Variants in C4orf36 observed in about 807,000 individuals in gnomAD.
C4orf36 encodes the protein uncharacterized protein C4orf36.
A neutral mutation model predicts 12.2 loss-of-function variants in C4orf36; 11 were observed. The ratio of observed to expected loss-of-function variants is 0.90; its 90% CI spans 0.57 to 1.49. The LOEUF is 1.49. Ranked by LOEUF, C4orf36 falls within the 40% of genes most tolerant of loss-of-function variation. The pLI is 0.00. For missense variants in C4orf36, 137 were observed against 133.9 expected, an observed-to-expected ratio of 1.02 and a Z score of -0.11; for synonymous variants, 54 against 51.3, an observed-to-expected ratio of 1.05 and a Z score of -0.22.
chr4:86,900,920 A>C, the C4orf36 span, among the ~76,000 whole-genome samples: 1 of 151,996 alleles, frequency 6.6e-6, no homozygotes, highest in African/African-American at 2.4e-5. Flanking sequence ...TCCTCAACAC[A>C]GCAGAGTGAG....
At chr4:86,901,096 C>T in the C4orf36 span, among the ~76,000 whole-genome samples, 71 of 151,660 alleles carry the variant, frequency 4.7e-4, no homozygotes, top group Middle Eastern at 3.4e-3. Flanking sequence ...GTGATTCTCG[C>T]GCTTCAGCCT....
the C4orf36 span, among the ~76,000 whole-genome samples, chr4:86,908,192 C>T: frequency 1.3e-5 from 2 of 150,480 alleles, no homozygotes; most frequent in African/African-American, 4.9e-5. Flanking sequence ...CACACACACA[C>T]ACACACACAC....
chr4:86,929,721 G>A, the C4orf36 span, among the ~76,000 whole-genome samples: 1 of 152,072 alleles, frequency 6.6e-6, no homozygotes, highest in Non-Finnish European at 1.5e-5. Flanking sequence ...GAACTGAGCA[G>A]AATTAGTACC....
the C4orf36 span, among the ~76,000 whole-genome samples, chr4:86,922,241 AT>A: frequency 6.6e-6 from 1 of 152,226 alleles, no homozygotes; most frequent in Non-Finnish European, 1.5e-5. Context: ...AATCTTTTAC[AT>A]TGTTATTAGT....
At chr4:86,927,413 TAAGTA>T in the C4orf36 span, among the ~76,000 whole-genome samples, 1 of 152,168 alleles carries the variant, frequency 6.6e-6, no homozygotes, top group African/African-American at 2.4e-5. Context: ...AGAAATAGAA[TAAGTA>T]AATACGTACA....
At chr4:86,925,930 G>T in the C4orf36 span, 2 of 143,552 alleles carry the variant, frequency 1.4e-5, no homozygotes, top group Non-Finnish European at 3.0e-5. Flanking sequence ...AGGCTGGAGT[G>T]CAATGGCACG....
Position 86,887,882 on chromosome 4 carries a change from C to A in C4orf36, c.232G>T (p.Glu78Ter), listed in dbSNP as rs201168053. 1.2e-6 allele frequency: 2 copies of A among 1,613,998 alleles called. No individual in the cohort carries two copies. The highest frequency in any genetic ancestry group is 1.7e-6 in the Non-Finnish European group (2 of 1,179,994). Residue 78 changes from glutamate to a stop codon, truncating the protein, a stop_gained, in exon 4 of 5, where the codon GAA becomes TAA. Coordinates refer to ENST00000295898, the MANE Select transcript of C4orf36 (RefSeq NM_144645.4). LOFTEE classifies it high-confidence loss of function. The part of the protein sequence containing the change: ...LLPSAESIKL[E>*]REYEVKRLCK... ...AGACGCTTCACTTCATACTCCCTTTCGAGTTTGATAGCTGAAAAAGAAAAT... is the reference window on the plus strand; with the variant it reads ...AGACGCTTCACTTCATACTCCCTTTAGAGTTTGATAGCTGAAAAAGAAAAT...
intron 1 of C4orf36, 38 bp from the exon 2 acceptor site, chr4:86,891,631 C>A: frequency 2.0e-6 from 3 of 1,525,004 alleles, no homozygotes; most frequent in Non-Finnish European, 2.6e-6. Context: ...ATGCCTCTCA[C>A]GTGAATATTT....
the C4orf36 span, among the ~76,000 whole-genome samples, chr4:86,916,230 T>C: frequency 6.6e-6 from 1 of 152,086 alleles, no homozygotes; most frequent in Non-Finnish European, 1.5e-5. Context: ...GTATGGGGAA[T>C]AGGTATGTTG....
At chr4:86,917,464 A>G in the C4orf36 span, among the ~76,000 whole-genome samples, 1 of 88,106 alleles carries the variant, frequency 1.1e-5, no homozygotes, top group Admixed American at 1.3e-4. Flanking sequence ...AGAAAGAAAG[A>G]AAAGAAAGAA....
At chr4:86,884,586 A>G (rs988698905) in intron 4 of C4orf36, among the ~76,000 whole-genome samples, 1 of 152,188 alleles carries the variant, frequency 6.6e-6, no homozygotes, top group Non-Finnish European at 1.5e-5. Context: ...ATTTATAGGC[A>G]TAAGCCATCA....
At chr4:86,908,168 TACACACACACAC>T in the C4orf36 span, among the ~76,000 whole-genome samples, 26,163 of 140,680 alleles carry the variant, frequency 0.19, 2,524 homozygotes, top group African/African-American at 0.22. Flanking sequence ...ACTTTCAACA[TACACACACACAC>T]ACACACACAC....
At chr4:86,890,822 C>A (rs887494149) in intron 2 of C4orf36, among the ~76,000 whole-genome samples, 32 of 152,328 alleles carry the variant, frequency 2.1e-4, no homozygotes, top group African/African-American at 7.2e-4. Flanking sequence ...GCAAGTACTT[C>A]ACATACACGA....
At chr4:86,910,976 A>G in the C4orf36 span, among the ~76,000 whole-genome samples, 2 of 151,950 alleles carry the variant, frequency 1.3e-5, no homozygotes, top group East Asian at 3.9e-4. Flanking sequence ...CCAGCTACTC[A>G]GGGGGCTGAG....
chr4:86,897,775 C>A, the C4orf36 span, among the ~76,000 whole-genome samples: 1 of 152,178 alleles, frequency 6.6e-6, no homozygotes, highest in South Asian at 2.1e-4. Flanking sequence ...TGATTTACAG[C>A]CTAGGATCCT....
chr4:86,904,249 A>G, the C4orf36 span, among the ~76,000 whole-genome samples: 1 of 152,182 alleles, frequency 6.6e-6, no homozygotes. Context: ...CGCGCCGGCT[A>G]GCGAGCGCCT....
intron 4 of C4orf36, among the ~76,000 whole-genome samples, chr4:86,882,273 G>T (rs983091320): frequency 6.6e-6 from 1 of 152,026 alleles, no homozygotes; most frequent in African/African-American, 2.4e-5. Flanking sequence ...TTTTCTCAAG[G>T]AATATTAAAA....
At position 86,876,367 on chromosome 4, in the gene C4orf36, G is replaced by T; in HGVS notation, c.*79C>A. 6.3e-7 allele frequency: 1 copy of T among 1,593,000 alleles called. No individual in the cohort carries two copies. Among genetic ancestry groups the T allele is most frequent in the South Asian group, 1.1e-5 (1 of 89,518 alleles). ...AGCGCAGCGACGGCCGGGGCCGGGA[G>T]CGGGTCCTGGGCGGCCCAGGAGAAG... is the stretch of plus-strand genomic sequence containing the variant. On this transcript the variant is annotated 3_prime_UTR_variant, in exon 5 of 5. Coordinates refer to ENST00000295898, the MANE Select transcript of C4orf36 (RefSeq NM_144645.4).
chr4:86,911,684 T>C, the C4orf36 span, among the ~76,000 whole-genome samples: 3 of 152,176 alleles, frequency 2.0e-5, no homozygotes. Context: ...TCTGTCTCTC[T>C]GTCTCTCTCT....
Sources: allele counts gnomAD v4.1 joint callset (sites outside exome capture counted in the v4.1 genomes callset), GRCh38; gene constraint gnomAD v4.1.1; transcripts MANE v1.5; gene names NCBI Gene and HGNC (gene_info 2026-07-23, HGNC 2026-07-21).